The following RBMS3 variants were observed in gnomAD, a reference collection of about 807,000 sequenced individuals.
RBMS3 encodes RNA binding motif single stranded interacting protein 3.
Under a neutral mutation model 66.8 loss-of-function variants are expected in RBMS3, and 27 were observed. The observed-to-expected ratio is 0.40, with a 90% CI of 0.30 to 0.56. The LOEUF (loss-of-function observed/expected upper bound fraction) is 0.56. Among genes scored for constraint, RBMS3 ranks in the 20% least tolerant of loss-of-function variants. The pLI is 0.40. For synonymous variants in RBMS3, 188 were observed against 183.0 expected, an observed-to-expected ratio of 1.03 and a Z score of -0.22; for missense variants, 513 against 549.5, an observed-to-expected ratio of 0.93 and a Z score of 0.66.
At chr3:29,729,492 G>T (rs1469730234) in intron 4 of RBMS3, among the ~76,000 whole-genome samples, 2 of 151,960 alleles carry the variant, frequency 1.3e-5, no homozygotes, top group Non-Finnish European at 2.9e-5. Context: ...TAATCTTTTG[G>T]GTATATACCC....
In RBMS3 at chr3:29,729,746, G is replaced by C. The variant is rs142883636; in HGVS notation, c.400-9974G>C. On this transcript the variant is annotated intron_variant, in intron 4 of 14. Transcript: ENST00000383767. ...TATTTCTCTGATGACTAATAATGATGAGAATTTTTTAATTGGGAAAAACTA... is the reference window on the plus strand; with the variant it reads ...TATTTCTCTGATGACTAATAATGATCAGAATTTTTTAATTGGGAAAAACTA... 2.0e-5 allele frequency among the ~76,000 whole-genome samples: 3 copies of C among 152,024 alleles called. No individual in the cohort carries two copies. The East Asian group carries it at 5.8e-4, about 29-fold the overall frequency.
At chr3:29,973,591 T>C (rs898805253) in intron 12 of RBMS3, among the ~76,000 whole-genome samples, 2 of 151,970 alleles carry the variant, frequency 1.3e-5, no homozygotes, top group African/African-American at 4.8e-5. Flanking sequence ...CGTTTCTGAC[T>C]GAATGTTCCT....
At chr3:29,582,178 A>ATAGATAGT (rs1337527232) in intron 3 of RBMS3, among the ~76,000 whole-genome samples, 1 of 150,062 alleles carries the variant, frequency 6.7e-6, no homozygotes, top group Non-Finnish European at 1.5e-5. Context: ...AGATAGATAG[A>ATAGATAGT]TAGATAGATA....
intron 2 of RBMS3, among the ~76,000 whole-genome samples, chr3:29,459,490 A>G (rs1316163181): frequency 6.6e-6 from 1 of 152,194 alleles, no homozygotes; most frequent in African/African-American, 2.4e-5. Context: ...AGGACAAATT[A>G]TACTCTTCTT....
chr3:29,765,210 A>G (rs1217958278), intron 6 of RBMS3, among the ~76,000 whole-genome samples: 1 of 151,998 alleles, frequency 6.6e-6, no homozygotes, highest in Non-Finnish European at 1.5e-5. Context: ...TATAATTACT[A>G]AGTCATAACA....
chr3:29,295,828 T>G (rs926565215), intron 1 of RBMS3, among the ~76,000 whole-genome samples: 2 of 151,776 alleles, frequency 1.3e-5, no homozygotes, highest in African/African-American at 4.8e-5. Flanking sequence ...TTCAGGGTAC[T>G]TATATAAATA....
intron 2 of RBMS3, among the ~76,000 whole-genome samples, chr3:29,469,351 C>G (rs978376789): frequency 6.6e-6 from 1 of 151,784 alleles, no homozygotes; most frequent in Non-Finnish European, 1.5e-5. Context: ...GAGCAGATAC[C>G]CTAGTAAAAC....
intron 4 of RBMS3, among the ~76,000 whole-genome samples, chr3:29,678,105 C>T (rs185097480): frequency 6.6e-6 from 1 of 152,290 alleles, no homozygotes; most frequent in Non-Finnish European, 1.5e-5. Flanking sequence ...AGGAACCAGT[C>T]CTTCCATCAT....
intron 1 of RBMS3, among the ~76,000 whole-genome samples, chr3:29,344,512 A>T (rs1347720053): frequency 2.6e-5 from 4 of 152,190 alleles, no homozygotes; most frequent in African/African-American, 9.6e-5. Flanking sequence ...GCAAGTTCCC[A>T]ATCATGGCTA....
In RBMS3 at chr3:29,918,582, T is replaced by C. The variant is rs1331852077; in HGVS notation, c.940-17504T>C. Among the ~76,000 whole-genome samples the C allele has an allele frequency of 2.0e-5, 3 of 152,146 alleles. No individual in the cohort carries two copies. In the East Asian group the frequency reaches 5.8e-4, roughly 29 times the overall value. ...AAATATGCCTTATTTTTAATGTTCATAATCACTGAATAAGACCCACCTTAA... is the reference window on the plus strand; with the variant it reads ...AAATATGCCTTATTTTTAATGTTCACAATCACTGAATAAGACCCACCTTAA... On this transcript the variant is annotated intron_variant, in intron 10 of 14. Transcript: ENST00000383767.
At chr3:29,929,651 G>A (rs2061055204) in intron 10 of RBMS3, among the ~76,000 whole-genome samples, 1 of 151,974 alleles carries the variant, frequency 6.6e-6, no homozygotes. Context: ...AATTAAAAGT[G>A]TGATTAAGAG....
intron 3 of RBMS3, among the ~76,000 whole-genome samples, chr3:29,510,587 G>A (rs1443031414): frequency 6.6e-6 from 1 of 151,866 alleles, no homozygotes; most frequent in African/African-American, 2.4e-5. Flanking sequence ...TCAAATCATG[G>A]AATATTTGCA....
intron 12 of RBMS3, among the ~76,000 whole-genome samples, chr3:29,975,302 C>G (rs578141104): frequency 1.3e-4 from 19 of 151,296 alleles, no homozygotes; most frequent in African/African-American, 4.6e-4. Context: ...AGTGTGATTG[C>G]TTGGTCATGA....
intron 3 of RBMS3, among the ~76,000 whole-genome samples, chr3:29,501,426 A>C (rs1455372095): frequency 6.6e-6 from 1 of 152,196 alleles, no homozygotes; most frequent in Non-Finnish European, 1.5e-5. Context: ...TTTCCAGATA[A>C]GATGGTTCCA....
chr3:29,731,568 C>T (rs1477102729), intron 4 of RBMS3, among the ~76,000 whole-genome samples: 1 of 152,078 alleles, frequency 6.6e-6, no homozygotes, highest in East Asian at 1.9e-4. Context: ...CTTTACTCTT[C>T]CCTTTGGTCT....
chr3:29,295,831 T>C (rs1286390753), intron 1 of RBMS3, among the ~76,000 whole-genome samples: 4 of 151,898 alleles, frequency 2.6e-5, no homozygotes, highest in South Asian at 2.1e-4. Context: ...AGGGTACTTA[T>C]ATAAATACTA....
intron 1 of RBMS3, among the ~76,000 whole-genome samples, chr3:29,362,609 G>A (rs11919427): frequency 2.0e-5 from 3 of 151,938 alleles, no homozygotes; most frequent in Admixed American, 6.6e-5. Flanking sequence ...CATCTTCTGC[G>A]TCACTCACAC....
At chr3:29,948,938 G>C (rs1393533544) in intron 12 of RBMS3, among the ~76,000 whole-genome samples, 1 of 151,692 alleles carries the variant, frequency 6.6e-6, no homozygotes, top group African/African-American at 2.4e-5. Context: ...ATGTAACATA[G>C]TATATGACAG....
At chr3:29,572,805 C>T (rs2046991145) in intron 3 of RBMS3, among the ~76,000 whole-genome samples, 1 of 152,086 alleles carries the variant, frequency 6.6e-6, no homozygotes, top group Non-Finnish European at 1.5e-5. Flanking sequence ...AAATTATTTC[C>T]TCCTCCCCTA....
Sources: gnomAD v4.1 joint callset for allele counts (sites outside exome capture counted in the v4.1 genomes callset) on GRCh38, gnomAD v4.1.1 for gene constraint, MANE v1.5 for transcripts, NCBI Gene and HGNC (gene_info 2026-07-23, HGNC 2026-07-21) for gene names.